UGGT1: variants seen among roughly 807,000 people sequenced by gnomAD.
UGGT1 encodes the protein UDP-glucose:glycoprotein glucosyltransferase 1.
In UGGT1, 107 loss-of-function variants were observed where a neutral mutation model predicts 203.9. The observed-to-expected ratio is 0.52, with a 90% CI of 0.45 to 0.62. The LOEUF (loss-of-function observed/expected upper bound fraction) is 0.62. Ranked by LOEUF, UGGT1 falls within the 20% of genes least tolerant of loss-of-function variation. UGGT1 has a pLI of 0.00. For missense variants in UGGT1, 1,673 were observed against 1,867.2 expected, an observed-to-expected ratio of 0.90 and a Z score of 1.92; for synonymous variants, 628 against 653.5, an observed-to-expected ratio of 0.96 and a Z score of 0.59.
chr2:128,129,679 G>A (rs1359000293), intron 13 of UGGT1, among the ~76,000 whole-genome samples: 3 of 152,040 alleles, frequency 2.0e-5, no homozygotes, highest in Admixed American at 6.6e-5. Context: ...GATTATAGGC[G>A]TGAACCAGTG....
chr2:128,142,352 G>A (rs1280544514), intron 16 of UGGT1, among the ~76,000 whole-genome samples: 6 of 151,554 alleles, frequency 4.0e-5, no homozygotes, highest in African/African-American at 1.2e-4. Context: ...TTGGGAGGCC[G>A]AGGCGGGCGA....
chr2:128,123,687 A>G (rs926106068), intron 11 of UGGT1, among the ~76,000 whole-genome samples: 4 of 152,082 alleles, frequency 2.6e-5, no homozygotes, highest in Middle Eastern at 3.2e-3. Context: ...GTTCCTGTCT[A>G]TCCATCTTCT....
chr2:128,110,966 G>A (rs1337324426), intron 5 of UGGT1, among the ~76,000 whole-genome samples: 1 of 152,128 alleles, frequency 6.6e-6, no homozygotes, highest in Non-Finnish European at 1.5e-5. Context: ...ATAGAGACTG[G>A]TAGGTCATAA....
At position 128,132,440 on chromosome 2, in the gene UGGT1, C is replaced by T. The variant is rs369300119; in HGVS notation, c.1378-701C>T. Reference sequence around the variant, plus strand: ...GTGGGTGCCTGTAATTCCAGCTACTCGGGGGGCTGAGGCACGAGAATCGTT... The same window carrying T: ...GTGGGTGCCTGTAATTCCAGCTACTTGGGGGGCTGAGGCACGAGAATCGTT... On this transcript the variant is annotated intron_variant, in intron 13 of 40. Coordinates refer to ENST00000259253, the MANE Select transcript of UGGT1 (RefSeq NM_020120.4). Among the ~76,000 whole-genome samples, 21 of 152,058 alleles carry T rather than the reference C, an allele frequency of 1.4e-4. 1 individual carries two copies. The East Asian group carries it at 2.3e-3, about 17-fold the overall frequency.
Position 128,172,705 on chromosome 2 carries a change from C to A in UGGT1, c.3237C>A (p.Ser1079Arg). ...LFTLNLNTPESWMVESVRTPY... is the reference protein window; with the variant it reads ...LFTLNLNTPERWMVESVRTPY... ...CTCTGAATTTGAACACACCTGAGAG[C>A]TGGATGGTAGAATCTGTCAGAACAC... The change falls in exon 29 of 41, where the codon AGC becomes AGA. Residue 1079 changes from serine to arginine, a missense_variant. Physicochemically the swap from Ser to Arg is moderately radical, Grantham distance 110. Coordinates refer to ENST00000259253, the MANE Select transcript of UGGT1 (RefSeq NM_020120.4). 4.3e-6 allele frequency: 7 copies of A among 1,614,116 alleles called. No individual in the cohort carries two copies. Among genetic ancestry groups the A allele is most frequent in the Non-Finnish European group, 5.9e-6 (7 of 1,180,018 alleles).
intron 8 of UGGT1, among the ~76,000 whole-genome samples, chr2:128,118,188 C>T (rs886160992): frequency 1.6e-4 from 25 of 152,126 alleles, no homozygotes; most frequent in Non-Finnish European, 1.3e-4. Context: ...TACATTTCTT[C>T]TCGTTTAACA....
chr2:128,102,079 T>G (rs1251370121), intron 2 of UGGT1, among the ~76,000 whole-genome samples: 1 of 152,176 alleles, frequency 6.6e-6, no homozygotes, highest in African/African-American at 2.4e-5. Context: ...CACCACCCCC[T>G]TCTCTCCTCC....
Position 128,192,259 on chromosome 2 carries a change from C to T in UGGT1, c.*2517C>T, listed in dbSNP as rs537094582. 1 of 146,958 alleles carries T rather than the reference C, an allele frequency of 6.8e-6. No individual in the cohort carries two copies. Among genetic ancestry groups the T allele is most frequent in the East Asian group, 2.0e-4 (1 of 5,104 alleles). The allele number at this position is 146,958 out of a possible 1,614,324, so 9.1% of individuals were successfully genotyped here. ...CAGAATGGCCTAGGACCCTCCTCCTCCTGCCAGTTTTTTTTTTTTTTTTTG... is the reference window on the plus strand; with the variant it reads ...CAGAATGGCCTAGGACCCTCCTCCTTCTGCCAGTTTTTTTTTTTTTTTTTG... On this transcript the variant is annotated 3_prime_UTR_variant, in exon 41 of 41. Transcript: ENST00000259253.
In UGGT1 at chr2:128,174,829, A is replaced by G. The variant is rs116326436; in HGVS notation, c.3510A>G (p.Gly1170=). 755 of 1,613,576 alleles carry G rather than the reference A, an allele frequency of 4.7e-4. 3 individuals carry two copies. In the African/African-American group the frequency reaches 9.3e-3, roughly 20 times the overall value. ...CTTGGATCCTCAGACTTAGGAAGGG[A>G]CGCTCTGAAGATATTTATAGAATTT... ...PGAWILRLRK[G]RSEDIYRIYS... is the part of the protein sequence containing the mutation. The change falls in exon 31 of 41, where the codon GGA becomes GGG. Residue 1170 remains glycine, a synonymous_variant. Coordinates refer to ENST00000259253, the MANE Select transcript of UGGT1 (RefSeq NM_020120.4).
At chr2:128,175,079 TCTTTAATTATTC>T (rs1275005385) in intron 31 of UGGT1, among the ~76,000 whole-genome samples, 1 of 152,256 alleles carries the variant, frequency 6.6e-6, no homozygotes, top group Non-Finnish European at 1.5e-5. Context: ...CAGGCTTTAT[TCTTTAATTATTC>T]CTTTGTGCTA....
chr2:128,107,616 G>T lies in UGGT1; in HGVS notation c.278-322G>T, dbSNP rs73957673. On this transcript the variant is annotated intron_variant, in intron 3 of 40. Coordinates refer to ENST00000259253, the MANE Select transcript of UGGT1 (RefSeq NM_020120.4). Reference sequence around the variant, plus strand: ...TTTAACTGGTCCATTGAAGCATGGGGTAGGGATTGTGGAGACTTTCTGGAG... The same window carrying T: ...TTTAACTGGTCCATTGAAGCATGGGTTAGGGATTGTGGAGACTTTCTGGAG... Among the ~76,000 whole-genome samples the T allele has an allele frequency of 9.5e-3, 1,453 of 152,328 alleles. 23 individuals carry two copies. Among genetic ancestry groups the T allele is most frequent in the African/African-American group, 0.032 (1,328 of 41,580 alleles).
chr2:128,150,668 CTTTTT>C (rs1205834782), intron 18 of UGGT1, among the ~76,000 whole-genome samples: 1 of 136,698 alleles, frequency 7.3e-6, no homozygotes, highest in East Asian at 2.1e-4. Flanking sequence ...TAATTAATAA[CTTTTT>C]TTTTTTTTTT....
chr2:128,107,683 G>C lies in UGGT1; in HGVS notation c.278-255G>C, dbSNP rs117876896. ...TGAATTATTTCTGAGGAAGTATGTA[G>C]CTGTAAGTCATCCAGGTAAGTGGGA... On this transcript the variant is annotated intron_variant, in intron 3 of 40. Coordinates refer to ENST00000259253, the MANE Select transcript of UGGT1 (RefSeq NM_020120.4). Among the ~76,000 whole-genome samples, 4 of 152,342 alleles carry C rather than the reference G, an allele frequency of 2.6e-5. No homozygotes were observed. The East Asian group carries it at 7.7e-4, about 29-fold the overall frequency.
At chr2:128,153,829 T>A (rs1690097602) in intron 19 of UGGT1, among the ~76,000 whole-genome samples, 1 of 152,204 alleles carries the variant, frequency 6.6e-6, no homozygotes, top group South Asian at 2.1e-4. Flanking sequence ...CTCGAGATTC[T>A]GAGGCCTCTT....
rs1690960291 is a variant in UGGT1, at chr2:128,169,118, G to A, written c.2922-1170G>A. Among the ~76,000 whole-genome samples the A allele has an allele frequency of 2.3e-5, 3 of 129,912 alleles. No individual in the cohort carries two copies. The Admixed American group carries it at 2.6e-4, about 11-fold the overall frequency. 85.2% of individuals were successfully genotyped at this position (129,912 alleles called of 152,430 possible). A position where few individuals can be genotyped will look rare whatever the true frequency, so the allele number is the denominator to read the frequency against. On this transcript the variant is annotated intron_variant, in intron 26 of 40. Transcript: ENST00000259253. ...ACAAGGACCAGGTGTGGTGGCTTATGCCATTGCTTTGAGAAGCCAAGGCAG... is the reference window on the plus strand; with the variant it reads ...ACAAGGACCAGGTGTGGTGGCTTATACCATTGCTTTGAGAAGCCAAGGCAG...
chr2:128,191,580 C>T lies in UGGT1; in HGVS notation c.*1838C>T, dbSNP rs1692269366. The T allele has an allele frequency of 1.3e-5, 2 of 152,428 alleles. No homozygotes were observed. Among genetic ancestry groups the T allele is most frequent in the African/African-American group, 2.4e-5 (1 of 41,444 alleles). The allele number at this position is 152,428 out of a possible 1,614,324, so 9.4% of individuals were successfully genotyped here. On this transcript the variant is annotated 3_prime_UTR_variant, in exon 41 of 41. Transcript: ENST00000259253. ...TAAGATTAAAAAACTTTTGTTCGGC[C>T]AGGCGTGGTGGCTCACACCTGTAAT...
intron 39 of UGGT1, 78 bp from the exon 40 acceptor site, chr2:128,187,371 G>A (rs1692032261): frequency 4.0e-6 from 6 of 1,502,442 alleles, no homozygotes; most frequent in Non-Finnish European, 5.4e-6. Flanking sequence ...GTTAGGACTT[G>A]TAACCCAAGA....
Position 128,171,257 on chromosome 2 carries a change from C to T in UGGT1, c.3077C>T (p.Ser1026Phe). ...MNLRVFMNCQ[S>F]KLSDMPLKSF... ...CTGAGAGTATTTATGAACTGCCAATCCAAACTTTCTGACATGCCTTTAAAA... is the reference window on the plus strand; with the variant it reads ...CTGAGAGTATTTATGAACTGCCAATTCAAACTTTCTGACATGCCTTTAAAA... Residue 1026 changes from serine to phenylalanine, a missense_variant, in exon 28 of 41, where the codon TCC becomes TTC. Physicochemically the swap from Ser to Phe is radical, Grantham distance 155. Around this residue, in one of 4 missense-constraint regions of UGGT1, gnomAD observed 513 missense variants for 684.1 expected, o/e 0.75. Transcript: ENST00000259253. 2 of 1,613,342 alleles carry T rather than the reference C, an allele frequency of 1.2e-6. No individual in the cohort carries two copies. The highest frequency in any genetic ancestry group is 1.7e-6 in the Non-Finnish European group (2 of 1,179,770).
At chr2:128,157,429 C>A in intron 22 of UGGT1, 83 bp downstream of exon 22, 3 of 1,127,008 alleles carry the variant, frequency 2.7e-6, no homozygotes, top group South Asian at 1.3e-5. Flanking sequence ...TAGGATTGTT[C>A]AGTGGGAGTT....
Sources: allele counts gnomAD v4.1 joint callset (sites outside exome capture counted in the v4.1 genomes callset), GRCh38; gene constraint gnomAD v4.1.1; regional missense constraint gnomAD v4.1.1; transcripts MANE v1.5; gene names NCBI Gene and HGNC (gene_info 2026-07-23, HGNC 2026-07-21).